NCOR2: variants seen among roughly 807,000 people sequenced by gnomAD.
The protein encoded by NCOR2 is CTG repeat protein 26.
In NCOR2, 81 loss-of-function variants were observed where a neutral mutation model predicts 262.9. The ratio of observed to expected loss-of-function variants is 0.31; its 90% CI spans 0.26 to 0.37. The LOEUF (loss-of-function observed/expected upper bound fraction) is 0.37, where lower values mean the gene tolerates loss of function less well. Among genes scored for constraint, NCOR2 ranks in the 10% least tolerant of loss-of-function variants. The probability of loss-of-function intolerance (pLI) is 1.00; values close to 1 mark genes in which losing one functional copy is unlikely to be tolerated. For missense variants in NCOR2, 3,385 were observed against 3,621.4 expected, an observed-to-expected ratio of 0.93 and a Z score of 1.68; for synonymous variants, 1,659 against 1,559.3, an observed-to-expected ratio of 1.06 and a Z score of -1.51.
intron 35 of NCOR2, 53 bp downstream of exon 37, chr12:124,340,549 G>C: frequency 3.3e-6 from 5 of 1,528,650 alleles, no homozygotes; most frequent in Non-Finnish European, 3.5e-6. Flanking sequence ...CCATCCCCCA[G>C]CCGCCTCCCA....
At chr12:124,344,430 G>A (rs189233897) in intron 32 of NCOR2, among the ~76,000 whole-genome samples, 167 bp downstream of exon 34, 1 of 152,334 alleles carries the variant, frequency 6.6e-6, no homozygotes, top group East Asian at 1.9e-4. Flanking sequence ...GAGTTGGACA[G>A]GGTTTGGAAT....
rs192574652 is a variant in NCOR2 at position 124,446,350 on chromosome 12, T to C, written c.815+3465A>G. On this transcript the variant is annotated intron_variant, in intron 7 of 46. Coordinates refer to ENST00000405201, the Ensembl canonical transcript of NCOR2. The stretch of plus-strand genomic sequence containing the variant: ...CTTTTAAAACAAAAGTCTGATCACA[T>C]TGCTTCCTGGGATAAACTTCATCAC... Among the ~76,000 whole-genome samples the C allele has an allele frequency of 4.2e-3, 640 of 152,322 alleles. 3 individuals carry two copies. The highest frequency in any genetic ancestry group is 7.3e-3 in the South Asian group (35 of 4,822).
intron 38 of NCOR2, 68 bp from the exon 41 acceptor site, chr12:124,335,700 GC>G: frequency 6.6e-7 from 1 of 1,516,906 alleles, no homozygotes; most frequent in Non-Finnish European, 8.8e-7. Context: ...GGGCAGGGCT[GC>G]CCTCCCAGCT....
intron 1 of NCOR2, among the ~76,000 whole-genome samples, chr12:124,492,401 A>G (rs1441236990): frequency 6.6e-6 from 1 of 152,198 alleles, no homozygotes; most frequent in Non-Finnish European, 1.5e-5. Flanking sequence ...GAGGTCTCAC[A>G]GGCTCCAGGG....
chr12:124,377,981 C>T lies in NCOR2; in HGVS notation c.2167+256G>A, dbSNP rs74900267. Among the ~76,000 whole-genome samples, 207 of 152,212 alleles carry T rather than the reference C, an allele frequency of 1.4e-3. 1 individual carries two copies. Among genetic ancestry groups the T allele is most frequent in the African/African-American group, 4.8e-3 (201 of 41,526 alleles). Reference sequence around the variant, plus strand: ...AGCATAAGACTGGACTCATGGGCATCAGAAGAGCTGAGCGAGGCTTGGGGC... The same window carrying T: ...AGCATAAGACTGGACTCATGGGCATTAGAAGAGCTGAGCGAGGCTTGGGGC... On this transcript the variant is annotated intron_variant, in intron 18 of 46. Transcript: ENST00000405201.
intron 27 of NCOR2, among the ~76,000 whole-genome samples, chr12:124,352,513 C>T (rs1273820095): frequency 1.3e-5 from 2 of 152,092 alleles, no homozygotes; most frequent in East Asian, 3.9e-4. Flanking sequence ...GCTGAGACTA[C>T]AGGTATGTGC....
chr12:124,377,275 G>A (rs1422502653), intron 18 of NCOR2, among the ~76,000 whole-genome samples: 15 of 152,120 alleles, frequency 9.9e-5, no homozygotes, highest in Admixed American at 9.8e-4. Context: ...CTCACCTGGT[G>A]GGGCATTTGT....
intron 25 of NCOR2, 50 bp from the exon 28 acceptor site, chr12:124,354,632 G>A (rs771722216): frequency 1.3e-5 from 19 of 1,454,094 alleles, no homozygotes; most frequent in East Asian, 4.9e-5. Context: ...GCAGGGTCCC[G>A]GGAGGCTTGT....
intron 13 of NCOR2, among the ~76,000 whole-genome samples, chr12:124,406,262 G>A (rs2042269206): frequency 6.6e-6 from 1 of 152,218 alleles, no homozygotes; most frequent in Admixed American, 6.5e-5. Context: ...GTGGTGGGCC[G>A]GATTTGGCCT....
At chr12:124,532,647 A>G (rs2050870975) in intron 1 of NCOR2, among the ~76,000 whole-genome samples, 1 of 152,194 alleles carries the variant, frequency 6.6e-6, no homozygotes, top group Non-Finnish European at 1.5e-5. Context: ...CGGGTGGGCC[A>G]CTGGCATGAC....
intron 15 of NCOR2, among the ~76,000 whole-genome samples, chr12:124,399,709 C>T (rs1210920465): frequency 1.3e-5 from 2 of 152,184 alleles, no homozygotes; most frequent in Admixed American, 6.5e-5. Flanking sequence ...TGAGAATGAG[C>T]CCTGGCAGGC....
chr12:124,337,031 T>G (rs2135789023), exon 38 of NCOR2: 1 of 1,503,318 alleles, frequency 6.7e-7, no homozygotes. Flanking sequence ...TCGGGGCCGC[T>G]CTGGCCGGGC....
rs200853446 is a variant in NCOR2, at chr12:124,340,015, G to A, written c.5678C>T (p.Thr1893Met). 118 of 1,601,298 alleles carry A rather than the reference G, an allele frequency of 7.4e-5. No homozygotes were observed. The East Asian group carries it at 1.6e-3, about 21-fold the overall frequency. The change falls in exon 37 of 47, where the codon ACG (threonine) becomes ATG (methionine). Residue 1893 changes from threonine to methionine, a missense_variant. By Grantham distance (81) the Thr-to-Met change is moderately conservative (BLOSUM62 -1). Coordinates refer to ENST00000405201, the Ensembl canonical transcript of NCOR2. Reference sequence around the variant, plus strand: ...TGCCAACCTGGCCCACCTCAGGACCGTGGGCGTGCTGGGCTCCACAGCGGT... The same window carrying A: ...TGCCAACCTGGCCCACCTCAGGACCATGGGCGTGCTGGGCTCCACAGCGGT...
chr12:124,397,030 C>A (rs56951720), intron 16 of NCOR2, among the ~76,000 whole-genome samples: 9,621 of 152,260 alleles, frequency 0.063, 362 homozygotes, highest in African/African-American at 0.096. Context: ...CTGCTCCCAG[C>A]CCCACACACC....
intron 17 of NCOR2, among the ~76,000 whole-genome samples, chr12:124,384,009 G>A (rs751137746): frequency 6.6e-6 from 1 of 152,214 alleles, no homozygotes; most frequent in East Asian, 1.9e-4. Context: ...CGTGGGGTGA[G>A]GGGGACAGGC....
At chr12:124,507,418 C>T (rs1022929178) in intron 1 of NCOR2, among the ~76,000 whole-genome samples, 1 of 152,208 alleles carries the variant, frequency 6.6e-6, no homozygotes. Context: ...TAGTGTTGTG[C>T]TTGTGTTGTT....
chr12:124,336,850 C>G (rs529821999), exon 38 of NCOR2: 1 of 1,611,888 alleles, frequency 6.2e-7, no homozygotes, highest in Non-Finnish European at 8.5e-7. Flanking sequence ...CCGGCGGGTC[C>G]GGGCTGGCGT....
Position 124,344,633 on chromosome 12 carries a change from C to T in NCOR2, c.4678G>A (p.Val1560Met), listed in dbSNP as rs2229841. 8.9e-4 allele frequency: 1,314 copies of T among 1,470,582 alleles called. 3 individuals are homozygous for T. The highest frequency in any genetic ancestry group is 9.3e-4 in the Middle Eastern group (5 of 5,356). The allele number at this position is 1,470,582 out of a possible 1,614,324, so 91.1% of individuals were successfully genotyped here. A position where few individuals can be genotyped will look rare whatever the true frequency, so the allele number is the denominator to read the frequency against. ...CGCGGCGTGGGCTCCCGCGTGGTCA[C>T]GGGCGAACCTCGTGGGAGGTGGCCG... Residue 1560 changes from valine (V) to methionine (M), a missense_variant, in exon 32 of 47, where the codon GTG becomes ATG. By Grantham distance (21) the Val-to-Met change is conservative. Coordinates refer to ENST00000405201, the Ensembl canonical transcript of NCOR2.
intron 6 of NCOR2, among the ~76,000 whole-genome samples, chr12:124,453,636 G>A (rs1389200506): frequency 6.6e-6 from 1 of 152,242 alleles, no homozygotes. Flanking sequence ...CAGGCGGCCT[G>A]AGCTGGCAAT....
Sources: allele counts gnomAD v4.1 joint callset (sites outside exome capture counted in the v4.1 genomes callset), GRCh38; gene constraint gnomAD v4.1.1; transcripts MANE v1.5; gene names NCBI Gene and HGNC (gene_info 2026-07-23, HGNC 2026-07-21).